CNTN4: variants seen among roughly 807,000 people sequenced by gnomAD.
CNTN4 encodes contactin-4.
A neutral mutation model predicts 122.5 loss-of-function variants in CNTN4; 77 were observed. The observed-to-expected ratio is 0.63, with a 90% CI of 0.52 to 0.76. The LOEUF (loss-of-function observed/expected upper bound fraction) is 0.76, where lower values mean the gene tolerates loss of function less well. CNTN4 is among the 30% of genes least tolerant of loss of function. The pLI, the probability that CNTN4 is intolerant of heterozygous loss-of-function variation, is 0.00. For missense variants in CNTN4, 1,256 were observed against 1,259.1 expected (o/e 1.00, Z 0.04); for synonymous variants, 512 against 447.0 (o/e 1.15, Z -1.83).
intron 3 of CNTN4, among the ~76,000 whole-genome samples, chr3:2,560,004 A>G (rs1489283910): frequency 6.6e-6 from 1 of 152,234 alleles, no homozygotes; most frequent in Non-Finnish European, 1.5e-5. Context: ...TAAATACATA[A>G]TGGCACAGGA....
At chr3:2,545,909 GA>G (rs1257917527) in intron 3 of CNTN4, among the ~76,000 whole-genome samples, 3 of 151,892 alleles carry the variant, frequency 2.0e-5, no homozygotes, top group Admixed American at 2.0e-4. Context: ...ACAACCTTAT[GA>G]AAAAATGCTC....
chr3:2,855,951 AT>A (rs973638949), intron 7 of CNTN4, among the ~76,000 whole-genome samples: 1 of 151,898 alleles, frequency 6.6e-6, no homozygotes, highest in African/African-American at 2.4e-5. Flanking sequence ...TTTTGTTGTT[AT>A]TTTTTCCCTC....
chr3:2,240,729 C>A (rs755750190), intron 2 of CNTN4, among the ~76,000 whole-genome samples: 1 of 152,042 alleles, frequency 6.6e-6, no homozygotes, highest in East Asian at 1.9e-4. Context: ...CTTATTAAGA[C>A]ACTAACATCA....
intron 13 of CNTN4, among the ~76,000 whole-genome samples, chr3:2,958,872 A>T: frequency 6.6e-6 from 1 of 152,166 alleles, no homozygotes; most frequent in Middle Eastern, 3.2e-3. Flanking sequence ...GAACTTATGG[A>T]TCCCTTTATA....
chr3:2,835,274 C>T (rs1195827617), intron 7 of CNTN4, among the ~76,000 whole-genome samples: 2 of 152,000 alleles, frequency 1.3e-5, no homozygotes, highest in Non-Finnish European at 2.9e-5. Flanking sequence ...TTATTTTAAA[C>T]ACCATGAAAC....
At chr3:2,564,622 C>G (rs1043904757) in intron 3 of CNTN4, among the ~76,000 whole-genome samples, 28 of 152,074 alleles carry the variant, frequency 1.8e-4, no homozygotes, top group African/African-American at 6.8e-4. Flanking sequence ...ACTTGTCCAG[C>G]AAGCAAATAA....
chr3:2,717,535 T>C (rs1219132761), intron 4 of CNTN4, among the ~76,000 whole-genome samples: 3 of 152,332 alleles, frequency 2.0e-5, no homozygotes, highest in South Asian at 4.1e-4. Context: ...CCTTTGCTGA[T>C]TTTTCTCTGT....
Position 2,253,202 on chromosome 3 carries a change from C to T in CNTN4, c.-144-85976C>T, listed in dbSNP as rs147077327. The stretch of plus-strand genomic sequence containing the variant: ...CTTTGTGCCGTGTAGTTATTCTAAT[C>T]GTATTGAAGAACGTTGTCCATTTGT... On this transcript the variant is annotated intron_variant, in intron 2 of 24. Transcript: ENST00000418658. 8.8e-4 allele frequency among the ~76,000 whole-genome samples: 134 copies of T among 151,966 alleles called. 1 individual carries two copies. Among genetic ancestry groups the T allele is most frequent in the Non-Finnish European group, 1.4e-3 (98 of 67,934 alleles).
intron 3 of CNTN4, among the ~76,000 whole-genome samples, chr3:2,542,396 C>T (rs575893511): frequency 1.3e-5 from 2 of 152,112 alleles, no homozygotes; most frequent in South Asian, 4.1e-4. Context: ...GAGAAATAGC[C>T]AAGAGAGAAC....
intron 6 of CNTN4, among the ~76,000 whole-genome samples, chr3:2,808,484 A>G (rs1162649537): frequency 2.0e-5 from 3 of 152,142 alleles, no homozygotes; most frequent in Admixed American, 6.5e-5. Flanking sequence ...TCTTTCTGTC[A>G]AAGCTATAAT....
intron 3 of CNTN4, among the ~76,000 whole-genome samples, chr3:2,517,682 A>G (rs1355783206): frequency 6.6e-6 from 1 of 152,194 alleles, no homozygotes; most frequent in Non-Finnish European, 1.5e-5. Context: ...TCAATGAGTC[A>G]TACCACTAAT....
chr3:3,003,367 C>G (rs914274860), intron 14 of CNTN4, among the ~76,000 whole-genome samples: 1 of 151,914 alleles, frequency 6.6e-6, no homozygotes, highest in Non-Finnish European at 1.5e-5. Flanking sequence ...AATGGATAAA[C>G]CAAATGTGGT....
At chr3:2,888,389 T>A (rs1186085773) in intron 10 of CNTN4, among the ~76,000 whole-genome samples, 1 of 152,182 alleles carries the variant, frequency 6.6e-6, no homozygotes, top group African/African-American at 2.4e-5. Flanking sequence ...ACATCAACCA[T>A]GCACCTGATG....
chr3:2,642,360 G>A (rs961400161), intron 4 of CNTN4, among the ~76,000 whole-genome samples: 6 of 152,248 alleles, frequency 3.9e-5, no homozygotes, highest in Admixed American at 1.3e-4. Flanking sequence ...TGGGTCTGCC[G>A]TTCCCAGTCC....
At chr3:2,291,472 AAAT>A (rs1432299359) in intron 2 of CNTN4, among the ~76,000 whole-genome samples, 1 of 152,184 alleles carries the variant, frequency 6.6e-6, no homozygotes, top group East Asian at 1.9e-4. Context: ...TATTTGAAGA[AAAT>A]AAAGTATGTT....
chr3:2,433,154 A>G (rs1367600686), intron 3 of CNTN4, among the ~76,000 whole-genome samples: 1 of 152,144 alleles, frequency 6.6e-6, no homozygotes, highest in Non-Finnish European at 1.5e-5. Context: ...TTGGACATAT[A>G]CCCAGAAGTG....
chr3:2,441,314 C>T (rs1382291520), intron 3 of CNTN4, among the ~76,000 whole-genome samples: 2 of 152,138 alleles, frequency 1.3e-5, no homozygotes, highest in Non-Finnish European at 2.9e-5. Context: ...ATATGTGATT[C>T]AAAAGTAACA....
At chr3:3,012,280 G>A (rs1308623325) in intron 14 of CNTN4, among the ~76,000 whole-genome samples, 3 of 152,034 alleles carry the variant, frequency 2.0e-5, no homozygotes, top group African/African-American at 7.2e-5. Context: ...CAAAATATCA[G>A]TTGAGATCAC....
rs185314369 is a variant in CNTN4, at chr3:2,474,161, T to A, written c.-88-97255T>A. On this transcript the variant is annotated intron_variant, in intron 3 of 24. Coordinates refer to ENST00000418658, the MANE Select transcript of CNTN4 (RefSeq NM_175607.3). ...CTTAACTTTGTTTAGATACCCTTTC[T>A]ATGCTGTTCTTTTTACATAGGGCTT... Among the ~76,000 whole-genome samples, 4 of 152,308 alleles carry A rather than the reference T, an allele frequency of 2.6e-5. No individual in the cohort carries two copies. The East Asian group carries it at 7.7e-4, about 29-fold the overall frequency.
Sources: allele counts gnomAD v4.1 joint callset (sites outside exome capture counted in the v4.1 genomes callset), GRCh38; gene constraint gnomAD v4.1.1; transcripts MANE v1.5; gene names NCBI Gene and HGNC (gene_info 2026-07-23, HGNC 2026-07-21).